METTL9: variants seen among roughly 807,000 people sequenced by gnomAD.
METTL9 encodes the protein methyltransferase 9, His-X-His N1(pi)-histidine, also known as protein-L-histidine N-pros-methyltransferase.
METTL9 carries 10 observed loss-of-function variants against 36.0 expected under a neutral mutation model. The observed-to-expected ratio is 0.28, with a 90% CI of 0.17 to 0.47. The LOEUF (loss-of-function observed/expected upper bound fraction) is 0.47, where lower values mean the gene tolerates loss of function less well. Among genes scored for constraint, METTL9 ranks in the 20% least tolerant of loss-of-function variants. METTL9 has a pLI of 0.99. For synonymous variants in METTL9, 175 were observed against 149.7 expected (o/e 1.17, Z -1.23); for missense variants, 246 against 383.5 (o/e 0.64, Z 3.00).
At chr16:21,634,059 CAA>C (rs1355714726) in intron 4 of METTL9, among the ~76,000 whole-genome samples, 1 of 152,148 alleles carries the variant, frequency 6.6e-6, no homozygotes, top group Non-Finnish European at 1.5e-5. Context: ...TCAGGCTTAA[CAA>C]GAAAGGCAAG....
chr16:21,597,218 C>G, upstream of METTL9: 1 of 1,266,302 alleles, frequency 7.9e-7, no homozygotes, highest in South Asian at 1.3e-5. Context: ...ATTTGTAATT[C>G]AGGAGGCTCT....
intron 4 of METTL9, chr16:21,653,380 C>G (rs903321442): frequency 6.6e-6 from 1 of 152,334 alleles, no homozygotes; most frequent in Non-Finnish European, 1.5e-5. Context: ...CCAAAGACCC[C>G]CTTTTAATGT....
At chr16:21,600,145 C>T (rs369905460) in intron 1 of METTL9, among the ~76,000 whole-genome samples, 1 of 152,040 alleles carries the variant, frequency 6.6e-6, no homozygotes, top group Non-Finnish European at 1.5e-5. Flanking sequence ...CTCCCGGGCC[C>T]GATCGTGAGC....
At chr16:21,650,902 A>G (rs1158605821) in intron 4 of METTL9, among the ~76,000 whole-genome samples, 1 of 152,182 alleles carries the variant, frequency 6.6e-6, no homozygotes, top group Non-Finnish European at 1.5e-5. Context: ...CATGGAGGGA[A>G]TAGAAAGATT....
intron 2 of METTL9, among the ~76,000 whole-genome samples, chr16:21,616,150 C>T (rs1399811774): frequency 1.3e-5 from 2 of 152,184 alleles, no homozygotes; most frequent in South Asian, 4.1e-4. Flanking sequence ...TAGCAGCAAA[C>T]ATTCTGTACC....
intron 4 of METTL9, chr16:21,647,455 C>A: frequency 1.2e-6 from 2 of 1,613,916 alleles, no homozygotes; most frequent in South Asian, 1.1e-5. Context: ...CTAGGTACCA[C>A]GGTTGTGTGA....
intron 1 of METTL9, among the ~76,000 whole-genome samples, chr16:21,603,354 G>C (rs910329450): frequency 1.3e-5 from 2 of 152,098 alleles, no homozygotes; most frequent in African/African-American, 4.8e-5. Flanking sequence ...GGCCAGGCTG[G>C]TCTTGAACTC....
At chr16:21,642,177 T>A (rs966961524) in intron 4 of METTL9, 1 of 151,036 alleles carries the variant, frequency 6.6e-6, no homozygotes, top group Non-Finnish European at 1.5e-5. Flanking sequence ...AGAAAACAAT[T>A]AAAGTAAAAG....
At chr16:21,613,094 A>G (rs1220370574) in intron 2 of METTL9, among the ~76,000 whole-genome samples, 2 of 149,286 alleles carry the variant, frequency 1.3e-5, no homozygotes, top group African/African-American at 5.0e-5. Context: ...TTTGATGTAC[A>G]TAGGAATCAC....
Position 21,644,349 on chromosome 16 carries a change from C to G in METTL9, c.752-10878C>G, listed in dbSNP as rs188280590. Reference sequence around the variant, plus strand: ...GTCACATAGACAGAGAGCAGTGATACAAGAGCTGTCAGGAAGCTCCGCAGT... The same window carrying G: ...GTCACATAGACAGAGAGCAGTGATAGAAGAGCTGTCAGGAAGCTCCGCAGT... On this transcript the variant is annotated intron_variant, in intron 4 of 4. Coordinates refer to ENST00000358154, the MANE Select transcript of METTL9 (RefSeq NM_016025.5). 84 of 1,614,096 alleles carry G rather than the reference C, an allele frequency of 5.2e-5. 1 individual carries two copies. In the East Asian group the frequency reaches 1.4e-3, roughly 28 times the overall value.
chr16:21,626,025 T>G (rs1231578398), intron 4 of METTL9, among the ~76,000 whole-genome samples: 1 of 152,004 alleles, frequency 6.6e-6, no homozygotes, highest in Non-Finnish European at 1.5e-5. Context: ...GCCTTCTGAG[T>G]CCCAAGTAAC....
chr16:21,607,791 C>G (rs1180277935), intron 1 of METTL9, among the ~76,000 whole-genome samples: 2 of 152,174 alleles, frequency 1.3e-5, no homozygotes, highest in African/African-American at 2.4e-5. Flanking sequence ...ATTTAACGGG[C>G]ATAGTACTTT....
At chr16:21,652,235 A>G (rs1263319299) in intron 4 of METTL9, 1 of 246,084 alleles carries the variant, frequency 4.1e-6, no homozygotes, top group Non-Finnish European at 7.7e-6. Context: ...TTTGTATGAT[A>G]ATTAAATTAT....
chr16:21,634,334 TG>T (rs1966032328), intron 4 of METTL9, among the ~76,000 whole-genome samples: 1 of 152,142 alleles, frequency 6.6e-6, no homozygotes, highest in African/African-American at 2.4e-5. Flanking sequence ...ATCATCCGGT[TG>T]GGGGCTTCTG....
chr16:21,618,457 A>G (rs950916988), intron 3 of METTL9, among the ~76,000 whole-genome samples: 1 of 152,176 alleles, frequency 6.6e-6, no homozygotes, highest in East Asian at 1.9e-4. Flanking sequence ...TTGCATAATC[A>G]TCACCACTAT....
chr16:21,597,568 C>T (rs1964975565), upstream of METTL9, among the ~76,000 whole-genome samples: 1 of 152,214 alleles, frequency 6.6e-6, no homozygotes, highest in Non-Finnish European at 1.5e-5. Context: ...CTTGCTTGTT[C>T]ATCTGATAAC....
At chr16:21,629,135 G>GC (rs747995744) in intron 4 of METTL9, among the ~76,000 whole-genome samples, 18 of 151,898 alleles carry the variant, frequency 1.2e-4, no homozygotes, top group African/African-American at 4.1e-4. Flanking sequence ...CTCAAGTGAT[G>GC]CCCCCTCAGT....
At position 21,622,141 on chromosome 16, in the gene METTL9, C is replaced by CTTTTTTTTTTTTTTTTTTTTTTTT; in HGVS notation, c.567-2769_567-2768insTTTTTTTTTTTTTTTTTTTTTTTT. 2.1e-3 allele frequency among the ~76,000 whole-genome samples: 72 copies of CTTTTTTTTTTTTTTTTTTTTTTTT among 34,920 alleles called. 25 individuals are homozygous for CTTTTTTTTTTTTTTTTTTTTTTTT. The highest frequency in any genetic ancestry group is 4.1e-3 in the African/African-American group (23 of 5,642). 22.9% of individuals were successfully genotyped at this position (34,920 alleles called of 152,430 possible). A position where few individuals can be genotyped will look rare whatever the true frequency, so the allele number is the denominator to read the frequency against. ...ATAGGTGTGAGCCACCATGCCTGGC[C>CTTTTTTTTTTTTTTTTTTTTTTTT]TTTTTTTTTTTTTTTTTTTTTGAGA... On this transcript the variant is annotated intron_variant, in intron 3 of 4. Transcript: ENST00000358154.
At chr16:21,624,501 C>T (rs571722292) in intron 3 of METTL9, among the ~76,000 whole-genome samples, 4 of 151,990 alleles carry the variant, frequency 2.6e-5, no homozygotes, top group Non-Finnish European at 2.9e-5. Flanking sequence ...CCGAGGCAGT[C>T]GGATCGCTTG....
Sources: allele counts gnomAD v4.1 joint callset (sites outside exome capture counted in the v4.1 genomes callset), GRCh38; gene constraint gnomAD v4.1.1; transcripts MANE v1.5; gene names NCBI Gene and HGNC (gene_info 2026-07-23, HGNC 2026-07-21).